The following FOXP1 variants were observed in gnomAD, a reference collection of about 807,000 sequenced individuals.
FOXP1 encodes the protein forkhead box protein P1.
In FOXP1, 15 loss-of-function variants were observed where a neutral mutation model predicts 98.2. The observed-to-expected ratio is 0.15, with a 90% confidence interval of 0.10 to 0.24. The LOEUF (loss-of-function observed/expected upper bound fraction) is 0.24. Ranked by LOEUF, FOXP1 falls within the 10% of genes least tolerant of loss-of-function variation. The pLI is 1.00. For synonymous variants in FOXP1, 371 were observed against 314.5 expected, an observed-to-expected ratio of 1.18 and a Z score of -1.90; for missense variants, 633 against 848.5, an observed-to-expected ratio of 0.75 and a Z score of 3.15.
At chr3:71,401,413 G>A (rs371298564) in intron 3 of FOXP1, among the ~76,000 whole-genome samples, 3 of 152,146 alleles carry the variant, frequency 2.0e-5, no homozygotes, top group African/African-American at 4.8e-5. Context: ...TTCTCACACC[G>A]ACTGAAAAAT....
At chr3:71,082,866 T>A (rs1168046930) in intron 7 of FOXP1, among the ~76,000 whole-genome samples, 1 of 152,202 alleles carries the variant, frequency 6.6e-6, no homozygotes, top group Non-Finnish European at 1.5e-5. Context: ...ACCAGCTGAC[T>A]GGCTAAACAA....
intron 5 of FOXP1, among the ~76,000 whole-genome samples, chr3:71,298,460 G>A (rs549585274): frequency 2.7e-5 from 4 of 149,992 alleles, no homozygotes; most frequent in East Asian, 3.9e-4. Context: ...GCGAAACTCC[G>A]TCTCAAAAAG....
intron 6 of FOXP1, among the ~76,000 whole-genome samples, chr3:71,128,345 A>C (rs1419894622): frequency 6.6e-6 from 1 of 151,852 alleles, no homozygotes; most frequent in Non-Finnish European, 1.5e-5. Context: ...ATCTAAATTT[A>C]ATATAGATTT....
At chr3:71,081,289 T>C (rs897515029) in intron 7 of FOXP1, among the ~76,000 whole-genome samples, 1 of 152,048 alleles carries the variant, frequency 6.6e-6, no homozygotes, top group African/African-American at 2.4e-5. Flanking sequence ...CTCAGCTCAG[T>C]AATTACACAA....
chr3:71,244,332 C>A (rs191410030), intron 5 of FOXP1, among the ~76,000 whole-genome samples: 1 of 152,114 alleles, frequency 6.6e-6, no homozygotes, highest in African/African-American at 2.4e-5. Context: ...TCTCTCCCCC[C>A]TCTTTTAGGT....
At chr3:71,548,475 G>A (rs911499000) in intron 2 of FOXP1, among the ~76,000 whole-genome samples, 2 of 152,046 alleles carry the variant, frequency 1.3e-5, no homozygotes, top group Non-Finnish European at 2.9e-5. Flanking sequence ...GCACTCTCAC[G>A]GCTTGATGCA....
At chr3:71,115,896 C>T (rs1250378048) in intron 6 of FOXP1, among the ~76,000 whole-genome samples, 1 of 152,024 alleles carries the variant, frequency 6.6e-6, no homozygotes, top group African/African-American at 2.4e-5. Flanking sequence ...GCCACCATGC[C>T]TTGCTAGCTT....
intron 2 of FOXP1, among the ~76,000 whole-genome samples, chr3:71,549,858 A>C: frequency 1.1e-5 from 1 of 94,340 alleles, no homozygotes; most frequent in South Asian, 3.8e-4. Context: ...TAATGCTGGG[A>C]GTAAAAAAAA....
chr3:71,030,616 T>C (rs2046737473), intron 11 of FOXP1, among the ~76,000 whole-genome samples: 1 of 152,226 alleles, frequency 6.6e-6, no homozygotes, highest in Admixed American at 6.5e-5. Flanking sequence ...TGGTTTGAGC[T>C]TGGTAAGTTT....
At chr3:71,154,789 T>TCC (rs2060740473) in intron 6 of FOXP1, among the ~76,000 whole-genome samples, 1 of 152,204 alleles carries the variant, frequency 6.6e-6, no homozygotes, top group East Asian at 1.9e-4. Context: ...ACTGCCTGGT[T>TCC]CCCCATGGCT....
intron 3 of FOXP1, among the ~76,000 whole-genome samples, chr3:71,400,062 T>A (rs531342526): frequency 6.6e-6 from 1 of 152,284 alleles, no homozygotes; most frequent in South Asian, 2.1e-4. Context: ...ACATAAATTT[T>A]TTCATGTGAC....
At chr3:71,544,264 T>G (rs2045167484) in intron 2 of FOXP1, among the ~76,000 whole-genome samples, 1 of 151,474 alleles carries the variant, frequency 6.6e-6, no homozygotes, top group South Asian at 2.1e-4. Context: ...ATAAAATATG[T>G]ATTTATTTCT....
chr3:71,397,504 C>T lies in FOXP1; in HGVS notation c.-167-38260G>A, dbSNP rs73837146. Among the ~76,000 whole-genome samples the T allele has an allele frequency of 8.7e-3, 1,323 of 152,346 alleles. 25 individuals carry two copies. Among genetic ancestry groups the T allele is most frequent in the African/African-American group, 0.031 (1,274 of 41,564 alleles). ...GTACATTATGTGCCAGGCAATGCGACGGGCCTTGGGGCCAGTTTTTGCCTC... is the reference window on the plus strand; with the variant it reads ...GTACATTATGTGCCAGGCAATGCGATGGGCCTTGGGGCCAGTTTTTGCCTC... On this transcript the variant is annotated intron_variant, in intron 3 of 20. Transcript: ENST00000649528.
At chr3:71,552,031 T>C (rs996200266) in intron 2 of FOXP1, among the ~76,000 whole-genome samples, 1 of 152,202 alleles carries the variant, frequency 6.6e-6, no homozygotes, top group African/African-American at 2.4e-5. Flanking sequence ...ACTAAGTGCC[T>C]GTCTTTGTGC....
At chr3:71,489,616 T>C (rs917826418) in intron 3 of FOXP1, among the ~76,000 whole-genome samples, 8 of 152,312 alleles carry the variant, frequency 5.3e-5, no homozygotes, top group Non-Finnish European at 1.0e-4. Context: ...TAGGTACCAG[T>C]GTCAACTAAA....
rs185908132 is a variant in FOXP1 at position 71,237,000 on chromosome 3, G to A, written c.-11-38608C>T. ...TGTAATCCCAGCACTTTGAAAGGCCGAGGCGGGCAAATCACGAGGTCAGGA... is the reference window on the plus strand; with the variant it reads ...TGTAATCCCAGCACTTTGAAAGGCCAAGGCGGGCAAATCACGAGGTCAGGA... On this transcript the variant is annotated intron_variant, in intron 5 of 20. Coordinates refer to ENST00000649528, the MANE Select transcript of FOXP1 (RefSeq NM_001349338.3). Among the ~76,000 whole-genome samples, 320 of 151,636 alleles carry A rather than the reference G, an allele frequency of 2.1e-3. 3 individuals are homozygous for A. Among genetic ancestry groups the A allele is most frequent in the Non-Finnish European group, 3.4e-3 (234 of 67,864 alleles).
chr3:71,381,265 C>T (rs1246795266), intron 3 of FOXP1, among the ~76,000 whole-genome samples: 1 of 151,708 alleles, frequency 6.6e-6, no homozygotes, highest in African/African-American at 2.4e-5. Context: ...ATTCTCCTGC[C>T]TCAGCCTCCC....
intron 5 of FOXP1, among the ~76,000 whole-genome samples, chr3:71,212,738 G>A (rs1221470886): frequency 6.6e-6 from 1 of 152,036 alleles, no homozygotes; most frequent in Non-Finnish European, 1.5e-5. Flanking sequence ...TTTTTGTAAT[G>A]GAGTGCCACT....
chr3:71,005,170 C>T (rs2042604989), intron 12 of FOXP1, among the ~76,000 whole-genome samples: 1 of 151,010 alleles, frequency 6.6e-6, no homozygotes, highest in South Asian at 2.1e-4. Flanking sequence ...CCCTAGTTTC[C>T]ATTATTCTAT....
Sources: gnomAD v4.1 joint callset for allele counts (sites outside exome capture counted in the v4.1 genomes callset) on GRCh38, gnomAD v4.1.1 for gene constraint, MANE v1.5 for transcripts, NCBI Gene and HGNC (gene_info 2026-07-23, HGNC 2026-07-21) for gene names.